PACRGL: variants seen among roughly 807,000 people sequenced by gnomAD.
The protein encoded by PACRGL is parkin coregulated like.
Under a neutral mutation model 34.5 loss-of-function variants are expected in PACRGL, and 38 were observed. That is an observed-to-expected ratio of 1.10 (90% confidence interval 0.85 to 1.44). The LOEUF is 1.44. Ranked by LOEUF, PACRGL falls within the 40% of genes most tolerant of loss-of-function variation. PACRGL has a pLI of 0.00. For synonymous variants in PACRGL, 128 were observed against 100.1 expected, an observed-to-expected ratio of 1.28 and a Z score of -1.66; for missense variants, 305 against 281.4, an observed-to-expected ratio of 1.08 and a Z score of -0.60.
chr4:20,713,283 T>C (rs1287436262), intron 6 of PACRGL, 149 bp from the exon 7 acceptor site: 1 of 634,042 alleles, frequency 1.6e-6, no homozygotes, highest in African/African-American at 1.8e-5. Flanking sequence ...ATTTTTAAAA[T>C]TCTAGGTTTT....
At chr4:20,699,124 A>T (rs76094436), upstream of PACRGL, among the ~76,000 whole-genome samples, 874 of 152,338 alleles carry the variant, frequency 5.7e-3, 9 homozygotes, top group Non-Finnish European at 6.6e-3. Context: ...ACTGAGTCTG[A>T]CACTGGAGAT....
intron 7 of PACRGL, 57 bp downstream of exon 7, chr4:20,713,596 T>A (rs1738362760): frequency 1.5e-6 from 2 of 1,376,326 alleles, no homozygotes; most frequent in Admixed American, 3.5e-5. Flanking sequence ...ACCATCCATA[T>A]CTCTTCATGA....
the PACRGL span, among the ~76,000 whole-genome samples, chr4:20,759,156 G>T: frequency 6.6e-6 from 1 of 152,118 alleles, no homozygotes; most frequent in Non-Finnish European, 1.5e-5. Flanking sequence ...CTGCTTTTAA[G>T]AACACATATG....
intron 7 of PACRGL, among the ~76,000 whole-genome samples, chr4:20,722,113 A>T (rs1343370971): frequency 6.6e-6 from 1 of 152,092 alleles, no homozygotes; most frequent in Non-Finnish European, 1.5e-5. Flanking sequence ...TGGGCATGGG[A>T]CTCTCTGAGC....
At chr4:20,717,327 C>T (rs1740604281) in intron 7 of PACRGL, among the ~76,000 whole-genome samples, 1 of 152,126 alleles carries the variant, frequency 6.6e-6, no homozygotes, top group African/African-American at 2.4e-5. Flanking sequence ...TGCAGAAGCT[C>T]TTTAGTTTAA....
chr4:20,745,099 G>T (rs1273771052), intron 8 of PACRGL, among the ~76,000 whole-genome samples: 1 of 152,190 alleles, frequency 6.6e-6, no homozygotes, highest in Non-Finnish European at 1.5e-5. Flanking sequence ...CAGGAGCAAT[G>T]AATCATGGAG....
intron 8 of PACRGL, among the ~76,000 whole-genome samples, chr4:20,738,798 C>T (rs1024049472): frequency 5.9e-5 from 9 of 152,174 alleles, no homozygotes; most frequent in South Asian, 2.1e-4. Context: ...GGCATCGCCT[C>T]ACCCAGGAAG....
At chr4:20,765,753 C>T in the PACRGL span, among the ~76,000 whole-genome samples, 1 of 152,144 alleles carries the variant, frequency 6.6e-6, no homozygotes, top group Non-Finnish European at 1.5e-5. Flanking sequence ...GATATGATCA[C>T]AACACAATAA....
At chr4:20,710,891 T>C (rs1736832488) in intron 5 of PACRGL, among the ~76,000 whole-genome samples, 1 of 152,130 alleles carries the variant, frequency 6.6e-6, no homozygotes, top group Non-Finnish European at 1.5e-5. Context: ...GTTTTGAGGT[T>C]GGCATTAAAG....
chr4:20,766,226 T>C, the PACRGL span, among the ~76,000 whole-genome samples: 1 of 152,054 alleles, frequency 6.6e-6, no homozygotes, highest in Non-Finnish European at 1.5e-5. Context: ...AATTAGAAAA[T>C]AGCAGATCTA....
the PACRGL span, among the ~76,000 whole-genome samples, chr4:20,763,786 C>T: frequency 1.3e-5 from 2 of 152,006 alleles, no homozygotes; most frequent in Non-Finnish European, 2.9e-5. Context: ...GATTTGAATT[C>T]CCTGCCACAA....
At chr4:20,712,992 A>G (rs1236732993) in intron 6 of PACRGL, 70 bp downstream of exon 6, 1 of 1,366,166 alleles carries the variant, frequency 7.3e-7, no homozygotes, top group South Asian at 1.8e-5. Context: ...ATATATTTAG[A>G]ATATTGTATG....
chr4:20,730,136 G>C lies in PACRGL; in HGVS notation c.*2795G>C, dbSNP rs768990870. 1.2e-6 allele frequency: 2 copies of C among 1,604,624 alleles called. No homozygotes were observed. Among genetic ancestry groups the C allele is most frequent in the South Asian group, 2.2e-5 (2 of 89,232 alleles). On this transcript the variant is annotated 3_prime_UTR_variant, in exon 9 of 9. Coordinates refer to ENST00000503585, the MANE Select transcript of PACRGL (RefSeq NM_001258345.3). ...AGCGCATTATGTTTTCATCCTGTAA[G>C]GGAGAAACACAGAGCGATTAAATTC...
intron 8 of PACRGL, among the ~76,000 whole-genome samples, chr4:20,740,899 A>C (rs997608154): frequency 6.6e-6 from 1 of 151,760 alleles, no homozygotes. Flanking sequence ...ATGGAAAACA[A>C]AAAAAAAGCA....
the PACRGL span, among the ~76,000 whole-genome samples, chr4:20,764,847 T>G: frequency 2.6e-5 from 4 of 152,136 alleles, no homozygotes; most frequent in Non-Finnish European, 5.9e-5. Context: ...ACAGACAGGG[T>G]CGCTGTGATG....
the PACRGL span, among the ~76,000 whole-genome samples, chr4:20,764,097 C>T: frequency 6.6e-6 from 1 of 152,076 alleles, no homozygotes; most frequent in Admixed American, 6.6e-5. Flanking sequence ...CTGCAAGCTT[C>T]TACTAACCCT....
rs1224107540 is a variant in PACRGL, at chr4:20,730,081, G to A, written c.*2740G>A. On this transcript the variant is annotated 3_prime_UTR_variant, in exon 9 of 9. Transcript: ENST00000503585. ...GTTGGATTCAGGATCTATTTGACAA[G>A]TTAAATCACATTTTCAAAGAGCTGC... 1.9e-6 allele frequency: 3 copies of A among 1,608,398 alleles called. No homozygotes were observed. The Admixed American group carries it at 5.1e-5, about 28-fold the overall frequency.
At chr4:20,713,362 CCTAT>C in intron 6 of PACRGL, 66 bp from the exon 7 acceptor site, 18 of 1,205,034 alleles carry the variant, frequency 1.5e-5, no homozygotes, top group Non-Finnish European at 2.2e-5. Context: ...TTTTTTCTAA[CCTAT>C]CTTTTCTTTC....
intron 7 of PACRGL, 44 bp from the exon 8 acceptor site, chr4:20,724,764 T>C: frequency 1.7e-6 from 2 of 1,183,400 alleles, no homozygotes; most frequent in Non-Finnish European, 2.3e-6. Flanking sequence ...TGAGCATTGT[T>C]AAGTTTAAAG....
Sources: allele counts gnomAD v4.1 joint callset (sites outside exome capture counted in the v4.1 genomes callset), GRCh38; gene constraint gnomAD v4.1.1; transcripts MANE v1.5; gene names NCBI Gene and HGNC (gene_info 2026-07-23, HGNC 2026-07-21).